Variants in CENPW observed in about 807,000 individuals in gnomAD.
CENPW encodes the protein cancer-up-regulated gene 2 protein.
Under a neutral mutation model 11.1 loss-of-function variants are expected in CENPW, and 3 were observed. That is an observed-to-expected ratio of 0.27 (90% confidence interval 0.12 to 0.70). The LOEUF (loss-of-function observed/expected upper bound fraction) is 0.70, where lower values mean the gene tolerates loss of function less well. Ranked by LOEUF, CENPW falls within the 30% of genes least tolerant of loss-of-function variation. The pLI is 0.77. For synonymous variants in CENPW, 38 were observed against 42.0 expected (o/e 0.91, Z 0.37); for missense variants, 100 against 105.6 (o/e 0.95, Z 0.23).
At chr6:126,441,108 G>T in the CENPW span, among the ~76,000 whole-genome samples, 1 of 151,344 alleles carries the variant, frequency 6.6e-6, no homozygotes, top group Non-Finnish European at 1.5e-5. Context: ...ATTAAGATTG[G>T]CAGGTGGAAG....
chr6:126,474,266 A>G, the CENPW span, among the ~76,000 whole-genome samples: 2 of 152,070 alleles, frequency 1.3e-5, no homozygotes, highest in Non-Finnish European at 2.9e-5. Context: ...TGGTACTGGA[A>G]GTTCTAGCCC....
At chr6:126,398,191 G>C in the CENPW span, among the ~76,000 whole-genome samples, 1 of 152,142 alleles carries the variant, frequency 6.6e-6, no homozygotes, top group African/African-American at 2.4e-5. Flanking sequence ...AACCTTTACT[G>C]TGCATACACA....
the CENPW span, among the ~76,000 whole-genome samples, chr6:126,465,392 G>A: frequency 1.8e-4 from 28 of 152,004 alleles, no homozygotes; most frequent in Non-Finnish European, 3.7e-4. Context: ...TTAATAAATG[G>A]ATAAAATACC....
At chr6:126,396,327 C>T in the CENPW span, among the ~76,000 whole-genome samples, 1 of 152,156 alleles carries the variant, frequency 6.6e-6, no homozygotes. Context: ...TCCACCACCA[C>T]CACCTCCTCA....
At chr6:126,421,465 C>G in the CENPW span, among the ~76,000 whole-genome samples, 1 of 151,994 alleles carries the variant, frequency 6.6e-6, no homozygotes, top group African/African-American at 2.4e-5. Flanking sequence ...CTCTGATTAC[C>G]GCTTTTATTT....
chr6:126,439,017 A>T, the CENPW span, among the ~76,000 whole-genome samples: 1 of 151,758 alleles, frequency 6.6e-6, no homozygotes, highest in South Asian at 2.1e-4. Context: ...TATTTTTGTT[A>T]TGCTTACAAG....
chr6:126,410,757 T>C, the CENPW span, among the ~76,000 whole-genome samples: 1 of 152,200 alleles, frequency 6.6e-6, no homozygotes, highest in Non-Finnish European at 1.5e-5. Flanking sequence ...TTCAGCTTAA[T>C]TAAGTTTGCT....
chr6:126,423,530 T>C, the CENPW span, among the ~76,000 whole-genome samples: 6 of 152,210 alleles, frequency 3.9e-5, no homozygotes, highest in Admixed American at 1.3e-4. Flanking sequence ...GAAAACCAGG[T>C]CAAAGTTACC....
At chr6:126,415,468 AGAG>A in the CENPW span, among the ~76,000 whole-genome samples, 1 of 152,160 alleles carries the variant, frequency 6.6e-6, no homozygotes, top group Non-Finnish European at 1.5e-5. Flanking sequence ...ACAGTTTTTT[AGAG>A]GAGAAGATTG....
the CENPW span, among the ~76,000 whole-genome samples, chr6:126,458,106 T>C: frequency 6.6e-6 from 1 of 151,314 alleles, no homozygotes; most frequent in Non-Finnish European, 1.5e-5. Context: ...GATAATCATT[T>C]CCTTGGGTAT....
the CENPW span, among the ~76,000 whole-genome samples, chr6:126,382,152 A>G: frequency 1.1e-4 from 16 of 152,152 alleles, no homozygotes; most frequent in African/African-American, 3.9e-4. Flanking sequence ...CAGGAGAATC[A>G]CTTGAACCTG....
chr6:126,456,171 A>G, the CENPW span, among the ~76,000 whole-genome samples: 3 of 151,432 alleles, frequency 2.0e-5, no homozygotes, highest in African/African-American at 7.3e-5. Flanking sequence ...CTATCAAACT[A>G]TGAATGGGAT....
the CENPW span, among the ~76,000 whole-genome samples, chr6:126,386,200 T>C: frequency 4.6e-5 from 7 of 152,190 alleles, no homozygotes; most frequent in East Asian, 9.7e-4. Flanking sequence ...CAGTAAGAGC[T>C]CAAATCTAAC....
At chr6:126,389,262 A>G in the CENPW span, among the ~76,000 whole-genome samples, 11 of 152,056 alleles carry the variant, frequency 7.2e-5, no homozygotes, top group African/African-American at 2.6e-4. Flanking sequence ...CACATAGGAG[A>G]CAATTGCTAT....
chr6:126,463,905 A>T, the CENPW span, among the ~76,000 whole-genome samples: 1 of 152,054 alleles, frequency 6.6e-6, no homozygotes, highest in Non-Finnish European at 1.5e-5. Flanking sequence ...GCTTCCAAAA[A>T]TTTTTAAATA....
chr6:126,398,151 T>G, the CENPW span, among the ~76,000 whole-genome samples: 1 of 152,198 alleles, frequency 6.6e-6, no homozygotes, highest in African/African-American at 2.4e-5. Context: ...GAGGTTTGGA[T>G]TGCAAATTAT....
At chr6:126,386,276 C>T in the CENPW span, among the ~76,000 whole-genome samples, 1 of 152,162 alleles carries the variant, frequency 6.6e-6, no homozygotes, top group South Asian at 2.1e-4. Flanking sequence ...CTCAGTCAGA[C>T]TATTTACTGT....
chr6:126,393,329 A>C, the CENPW span, among the ~76,000 whole-genome samples: 2 of 151,214 alleles, frequency 1.3e-5, no homozygotes, highest in East Asian at 3.9e-4. Flanking sequence ...ACTAATTTCA[A>C]ATTTGGTTTT....
At chr6:126,385,418 G>T in the CENPW span, among the ~76,000 whole-genome samples, 1 of 152,096 alleles carries the variant, frequency 6.6e-6, no homozygotes, top group Non-Finnish European at 1.5e-5. Flanking sequence ...GGAATATTAT[G>T]CAGTCATAAA....
Sources: allele counts gnomAD v4.1 joint callset (sites outside exome capture counted in the v4.1 genomes callset), GRCh38; gene constraint gnomAD v4.1.1; transcripts MANE v1.5; gene names NCBI Gene and HGNC (gene_info 2026-07-23, HGNC 2026-07-21).